Variants in EFL1 observed in about 807,000 individuals in gnomAD.
EFL1 encodes the protein elongation factor like GTPase 1, also known as elongation factor-like GTPase 1.
EFL1 carries 76 observed loss-of-function variants against 126.7 expected under a neutral mutation model. The observed-to-expected ratio is 0.60, with a 90% CI of 0.50 to 0.73. EFL1 has a LOEUF of 0.73. Among genes scored for constraint, EFL1 ranks in the 30% least tolerant of loss-of-function variants. The probability of loss-of-function intolerance (pLI) is 0.00; values close to 1 mark genes in which losing one functional copy is unlikely to be tolerated. For synonymous variants in EFL1, 410 were observed against 448.4 expected (o/e 0.91, Z 1.08); for missense variants, 1,128 against 1,343.2 (o/e 0.84, Z 2.50).
chr15:82,211,502 G>C lies in EFL1; in HGVS notation c.1750+3215C>G, dbSNP rs139061085. The stretch of plus-strand genomic sequence containing the variant: ...GATTGTGCCAATGTACTCCAGCCAG[G>C]GTGACAGAGTGAGACTCTGTCTCAA... On this transcript the variant is annotated intron_variant, in intron 15 of 19. Coordinates refer to ENST00000268206, the MANE Select transcript of EFL1 (RefSeq NM_024580.6). Among the ~76,000 whole-genome samples the C allele has an allele frequency of 2.2e-3, 324 of 146,178 alleles. 1 individual carries two copies. The highest frequency in any genetic ancestry group is 3.6e-3 in the Middle Eastern group (1 of 278).
chr15:82,169,629 A>G (rs753562778), intron 15 of EFL1, among the ~76,000 whole-genome samples: 3 of 151,698 alleles, frequency 2.0e-5, no homozygotes, highest in Non-Finnish European at 2.9e-5. Context: ...GAACTCTTTC[A>G]TATTTTTTTT....
At chr15:82,139,330 A>G (rs1035750018) in intron 18 of EFL1, among the ~76,000 whole-genome samples, 1 of 152,212 alleles carries the variant, frequency 6.6e-6, no homozygotes, top group Non-Finnish European at 1.5e-5. Context: ...ACACACATAT[A>G]TATTTGTTCA....
rs1310030854 is a variant in EFL1, at chr15:82,198,264, A to G, written c.1750+16453T>C. On this transcript the variant is annotated intron_variant, in intron 15 of 19. Transcript: ENST00000268206. ...TGCAGATGCCTTTTACCATCATCCCATGATGGCTTCAGAGAGGGGACTTCG... is the reference window on the plus strand; with the variant it reads ...TGCAGATGCCTTTTACCATCATCCCGTGATGGCTTCAGAGAGGGGACTTCG... Among the ~76,000 whole-genome samples, 120 of 152,138 alleles carry G rather than the reference A, an allele frequency of 7.9e-4. 3 individuals carry two copies. Among genetic ancestry groups the G allele is most frequent in the Admixed American group, 7.7e-3 (118 of 15,272 alleles).
intron 4 of EFL1, among the ~76,000 whole-genome samples, chr15:82,243,752 C>T (rs901946519): frequency 8.1e-5 from 12 of 148,846 alleles, no homozygotes; most frequent in African/African-American, 2.8e-4. Flanking sequence ...TACCTATCTA[C>T]TTATCTATGC....
intron 15 of EFL1, among the ~76,000 whole-genome samples, chr15:82,203,102 C>T (rs529295993): frequency 1.2e-4 from 18 of 152,200 alleles, no homozygotes; most frequent in Admixed American, 2.0e-4. Context: ...TGACCCACCA[C>T]GCCCAGACTG....
chr15:82,159,699 A>G (rs2074003401), intron 16 of EFL1, among the ~76,000 whole-genome samples: 1 of 152,210 alleles, frequency 6.6e-6, no homozygotes. Context: ...AAACCTTCTA[A>G]TTAGTGTAAG....
chr15:82,182,060 C>T (rs1292762576), intron 15 of EFL1, among the ~76,000 whole-genome samples: 1 of 151,978 alleles, frequency 6.6e-6, no homozygotes, highest in Admixed American at 6.6e-5. Context: ...GAGTTTGAGG[C>T]CAGCCTGGTC....
At chr15:82,141,782 T>TG (rs1365990205) in intron 18 of EFL1, among the ~76,000 whole-genome samples, 4 of 149,934 alleles carry the variant, frequency 2.7e-5, no homozygotes, top group Admixed American at 1.3e-4. Flanking sequence ...ATGAGGAAAG[T>TG]GGGGCAAACA....
At chr15:82,164,467 T>G (rs141064980) in intron 15 of EFL1, among the ~76,000 whole-genome samples, 1,638 of 152,278 alleles carry the variant, frequency 0.011, 30 homozygotes, top group African/African-American at 0.038. Context: ...ATACTCCCCC[T>G]GTTTTAGAAG....
chr15:82,170,078 G>C (rs1471186712), intron 15 of EFL1, among the ~76,000 whole-genome samples: 1 of 148,048 alleles, frequency 6.8e-6, no homozygotes, highest in African/African-American at 2.5e-5. Context: ...AAGGAGTGAT[G>C]AGGTGTGGAA....
At chr15:82,183,448 A>G (rs868817179) in intron 15 of EFL1, among the ~76,000 whole-genome samples, 9 of 152,192 alleles carry the variant, frequency 5.9e-5, no homozygotes, top group Non-Finnish European at 8.8e-5. Flanking sequence ...GTTTCATGAC[A>G]CCACTTAAGG....
intron 2 of EFL1, among the ~76,000 whole-genome samples, chr15:82,261,018 T>C (rs2075109761): frequency 6.6e-6 from 1 of 152,216 alleles, no homozygotes; most frequent in African/African-American, 2.4e-5. Context: ...TATCTCTGCC[T>C]TTCCCATATA....
At chr15:82,206,700 A>C (rs1476070461) in intron 15 of EFL1, among the ~76,000 whole-genome samples, 4 of 152,174 alleles carry the variant, frequency 2.6e-5, no homozygotes, top group African/African-American at 9.6e-5. Flanking sequence ...ATGAGCATAA[A>C]GTACCAAAAC....
chr15:82,193,430 T>C (rs2074379192), intron 15 of EFL1, among the ~76,000 whole-genome samples: 2 of 152,190 alleles, frequency 1.3e-5, no homozygotes, highest in South Asian at 4.1e-4. Context: ...GCTTTATAGA[T>C]AAGCAACCCC....
chr15:82,201,105 A>C (rs1396127624), intron 15 of EFL1, among the ~76,000 whole-genome samples: 2 of 152,208 alleles, frequency 1.3e-5, no homozygotes, highest in African/African-American at 4.8e-5. Flanking sequence ...AGAATATTTT[A>C]AACTTTGAAG....
intron 15 of EFL1, among the ~76,000 whole-genome samples, chr15:82,189,112 T>C (rs1483297247): frequency 6.6e-6 from 1 of 152,148 alleles, no homozygotes; most frequent in African/African-American, 2.4e-5. Context: ...GTAATGCTCC[T>C]AGACTACAAA....
At chr15:82,186,281 T>C (rs1006159903) in intron 15 of EFL1, among the ~76,000 whole-genome samples, 1 of 152,174 alleles carries the variant, frequency 6.6e-6, no homozygotes, top group Non-Finnish European at 1.5e-5. Context: ...CATCTTTAAT[T>C]AATATCTATA....
intron 19 of EFL1, among the ~76,000 whole-genome samples, chr15:82,135,310 A>T (rs563528497): frequency 6.8e-4 from 103 of 151,964 alleles, no homozygotes; most frequent in Non-Finnish European, 1.3e-3. Flanking sequence ...TTTTCTTTTT[A>T]AATTTCTGAA....
At chr15:82,219,870 A>C in intron 13 of EFL1, 52 bp from the exon 14 acceptor site, 1 of 1,563,034 alleles carries the variant, frequency 6.4e-7, no homozygotes, top group Non-Finnish European at 8.6e-7. Flanking sequence ...TTAATTCAAG[A>C]ACTGTCTGAA....
Sources: gnomAD v4.1 joint callset for allele counts (sites outside exome capture counted in the v4.1 genomes callset) on GRCh38, gnomAD v4.1.1 for gene constraint, MANE v1.5 for transcripts, NCBI Gene and HGNC (gene_info 2026-07-23, HGNC 2026-07-21) for gene names.